SEMA6A: variants seen among roughly 807,000 people sequenced by gnomAD.
SEMA6A encodes the protein semaphorin 6A.
Under a neutral mutation model 96.8 loss-of-function variants are expected in SEMA6A, and 25 were observed. The ratio of observed to expected loss-of-function variants is 0.26; its 90% CI spans 0.19 to 0.36. SEMA6A has a LOEUF of 0.36. Among genes scored for constraint, SEMA6A ranks in the 10% least tolerant of loss-of-function variants. The pLI, the probability that SEMA6A is intolerant of heterozygous loss-of-function variation, is 1.00. For synonymous variants in SEMA6A, 612 were observed against 518.0 expected (o/e 1.18, Z -2.46); for missense variants, 1,363 against 1,323.1 (o/e 1.03, Z -0.47).
intron 1 of SEMA6A, among the ~76,000 whole-genome samples, chr5:116,520,250 T>C (rs993219848): frequency 4.2e-5 from 6 of 144,048 alleles, no homozygotes; most frequent in Non-Finnish European, 7.5e-5. Flanking sequence ...CAAAGCAGCC[T>C]GATGCTTTTT....
intron 1 of SEMA6A, among the ~76,000 whole-genome samples, chr5:116,514,484 T>C (rs753547087): frequency 7.2e-5 from 11 of 152,206 alleles, no homozygotes; most frequent in Admixed American, 2.0e-4. Context: ...TTTTTTCTTG[T>C]AAACTTGTGT....
intron 1 of SEMA6A, among the ~76,000 whole-genome samples, chr5:116,518,115 A>T (rs1183144857): frequency 1.3e-5 from 2 of 152,210 alleles, no homozygotes; most frequent in Non-Finnish European, 2.9e-5. Flanking sequence ...TACTAAAATT[A>T]AGAATTTGGA....
intron 1 of SEMA6A, among the ~76,000 whole-genome samples, chr5:116,549,130 T>G (rs1760302233): frequency 6.6e-6 from 1 of 152,174 alleles, no homozygotes; most frequent in Non-Finnish European, 1.5e-5. Flanking sequence ...AAACATCACA[T>G]GCTAAATTCC....
intron 1 of SEMA6A, among the ~76,000 whole-genome samples, chr5:116,568,376 G>A (rs938143565): frequency 6.6e-6 from 1 of 152,134 alleles, no homozygotes; most frequent in Non-Finnish European, 1.5e-5. Context: ...TGGAACTCAG[G>A]TCTTCTTGTC....
chr5:116,563,372 T>C (rs1036754197), intron 1 of SEMA6A, among the ~76,000 whole-genome samples: 2 of 152,212 alleles, frequency 1.3e-5, no homozygotes, highest in African/African-American at 4.8e-5. Flanking sequence ...CCCCAAGTGA[T>C]ATTTCATTCT....
intron 10 of SEMA6A, among the ~76,000 whole-genome samples, chr5:116,486,279 G>T (rs547626260): frequency 3.9e-5 from 6 of 152,146 alleles, no homozygotes; most frequent in Non-Finnish European, 7.4e-5. Flanking sequence ...TACTGATCCC[G>T]TCATGAGAAT....
At chr5:116,562,271 T>C (rs961240532) in intron 1 of SEMA6A, among the ~76,000 whole-genome samples, 2 of 152,220 alleles carry the variant, frequency 1.3e-5, no homozygotes, top group Admixed American at 6.5e-5. Context: ...GCTAAGCATT[T>C]ATAATTCATA....
intron 1 of SEMA6A, among the ~76,000 whole-genome samples, chr5:116,520,080 A>G (rs1292628243): frequency 1.3e-5 from 2 of 152,038 alleles, no homozygotes; most frequent in Admixed American, 1.3e-4. Flanking sequence ...TGACCCCATC[A>G]TGTTCCATTC....
intron 18 of SEMA6A, among the ~76,000 whole-genome samples, chr5:116,461,712 T>A (rs1755408883): frequency 6.6e-6 from 1 of 152,182 alleles, no homozygotes; most frequent in South Asian, 2.1e-4. Context: ...TCTAATATAT[T>A]TTTTTAAAGT....
At chr5:116,478,275 C>G in intron 13 of SEMA6A, 121 bp from the exon 14 acceptor site, 1 of 1,195,536 alleles carries the variant, frequency 8.4e-7, no homozygotes, top group South Asian at 1.5e-5. Flanking sequence ...GTGAAACAAA[C>G]AAACCCTTCT....
At chr5:116,560,971 G>A (rs1443562327) in intron 1 of SEMA6A, among the ~76,000 whole-genome samples, 1 of 152,102 alleles carries the variant, frequency 6.6e-6, no homozygotes, top group Non-Finnish European at 1.5e-5. Context: ...AACTATGATT[G>A]GACAATTTTA....
chr5:116,482,323 A>G, intron 11 of SEMA6A, 121 bp downstream of exon 11: 1 of 1,082,486 alleles, frequency 9.2e-7, no homozygotes, highest in African/African-American at 1.6e-5. Flanking sequence ...AATGAGATGA[A>G]GGCAATCTGC....
At chr5:116,522,149 G>A (rs1036541966) in intron 1 of SEMA6A, among the ~76,000 whole-genome samples, 1 of 152,210 alleles carries the variant, frequency 6.6e-6, no homozygotes, top group Admixed American at 6.5e-5. Flanking sequence ...TAGTAACAGT[G>A]TCTCTGAGGG....
chr5:116,520,069 T>C (rs1046035211), intron 1 of SEMA6A, among the ~76,000 whole-genome samples: 3 of 152,172 alleles, frequency 2.0e-5, no homozygotes, highest in Non-Finnish European at 4.4e-5. Flanking sequence ...ACCCAACTGG[T>C]TGACCCCATC....
intron 1 of SEMA6A, among the ~76,000 whole-genome samples, chr5:116,543,043 A>AT (rs539380252): frequency 6.6e-6 from 1 of 151,880 alleles, no homozygotes; most frequent in African/African-American, 2.4e-5. Flanking sequence ...AAGTTGAAGA[A>AT]TTTTTTTTCT....
rs754667264 is a variant in SEMA6A, at chr5:116,478,028, A to G, written c.1554T>C (p.His518=). Residue 518 remains histidine (H), a synonymous_variant, in exon 14 of 19, where the codon CAT becomes CAC. Coordinates refer to ENST00000343348, the MANE Select transcript of SEMA6A (RefSeq NM_020796.5). ...AAAATACATACTTTTTACACTTCCCATGTCGTTCACACCGGCCAAGGGGAA... is the reference window on the plus strand; with the variant it reads ...AAAATACATACTTTTTACACTTCCCGTGTCGTTCACACCGGCCAAGGGGAA... ...IKVPLGRCER[H]GKCKKTCIAS... 10 of 1,613,910 alleles carry G rather than the reference A, an allele frequency of 6.2e-6. No individual in the cohort carries two copies. In the South Asian group the frequency reaches 7.7e-5, roughly 12 times the overall value.
intron 1 of SEMA6A, among the ~76,000 whole-genome samples, chr5:116,521,854 A>G (rs1042863065): frequency 1.3e-5 from 2 of 152,176 alleles, no homozygotes; most frequent in Admixed American, 1.3e-4. Flanking sequence ...CACTAACATA[A>G]TTTTAGATTA....
At chr5:116,481,438 A>G (rs1388086450) in intron 11 of SEMA6A, among the ~76,000 whole-genome samples, 2 of 152,192 alleles carry the variant, frequency 1.3e-5, no homozygotes, top group African/African-American at 4.8e-5. Context: ...ACAGAATATC[A>G]ACATGCCAGA....
intron 1 of SEMA6A, chr5:116,562,924 G>C (rs945569453): frequency 3.4e-6 from 2 of 588,054 alleles, no homozygotes; most frequent in Non-Finnish European, 6.5e-6. Context: ...TGCCCCCTCG[G>C]GTATGAAGAT....
Sources: gnomAD v4.1 joint callset for allele counts (sites outside exome capture counted in the v4.1 genomes callset) on GRCh38, gnomAD v4.1.1 for gene constraint, MANE v1.5 for transcripts, NCBI Gene and HGNC (gene_info 2026-07-23, HGNC 2026-07-21) for gene names.